FRMD6: variants seen among roughly 807,000 people sequenced by gnomAD.
The protein encoded by FRMD6 is FERM domain containing 6.
A neutral mutation model predicts 73.2 loss-of-function variants in FRMD6; 37 were observed. That is an observed-to-expected ratio of 0.51 (90% CI 0.39 to 0.66). The LOEUF is 0.66. Ranked by LOEUF, FRMD6 falls within the 30% of genes least tolerant of loss-of-function variation. FRMD6 has a pLI of 0.00. For missense variants in FRMD6, 714 were observed against 780.5 expected, an observed-to-expected ratio of 0.91 and a Z score of 1.02; for synonymous variants, 273 against 282.2, an observed-to-expected ratio of 0.97 and a Z score of 0.33.
At chr14:51,575,813 G>A (rs1355905082) in intron 2 of FRMD6, 1 of 152,124 alleles carries the variant, frequency 6.6e-6, no homozygotes, top group Non-Finnish European at 1.5e-5. Context: ...AAGAGCTCAT[G>A]GGCCATGAGC....
intron 1 of FRMD6, among the ~76,000 whole-genome samples, chr14:51,536,093 T>G (rs201012492): frequency 0.36 from 49,588 of 138,554 alleles, 9,460 homozygotes; most frequent in African/African-American, 0.51. Flanking sequence ...TATATATATA[T>G]ATATAGAGAG....
At chr14:51,419,939 G>C in the FRMD6 span, among the ~76,000 whole-genome samples, 1 of 151,804 alleles carries the variant, frequency 6.6e-6, no homozygotes, top group Non-Finnish European at 1.5e-5. Flanking sequence ...TCCTGCCCTC[G>C]TTAGGTGTGG....
chr14:51,678,615 T>A (rs528335805), intron 1 of FRMD6, among the ~76,000 whole-genome samples: 1 of 152,256 alleles, frequency 6.6e-6, no homozygotes, highest in East Asian at 1.9e-4. Context: ...AAATAGTGTA[T>A]TTAACAAGTC....
the FRMD6 span, among the ~76,000 whole-genome samples, chr14:51,410,601 G>T: frequency 1.3e-5 from 2 of 152,146 alleles, no homozygotes; most frequent in African/African-American, 4.8e-5. Context: ...TAAAAAAGCA[G>T]CACATGTTCA....
upstream of FRMD6, among the ~76,000 whole-genome samples, chr14:51,484,675 G>C (rs1375740862): frequency 6.6e-6 from 1 of 152,192 alleles, no homozygotes; most frequent in Non-Finnish European, 1.5e-5. Context: ...AACTAATTTG[G>C]AGGACTGAAT....
At chr14:51,409,838 G>A in the FRMD6 span, among the ~76,000 whole-genome samples, 1 of 152,048 alleles carries the variant, frequency 6.6e-6, no homozygotes, top group African/African-American at 2.4e-5. Flanking sequence ...ATCCATGCAC[G>A]CCAGGCTTCC....
chr14:51,681,198 C>T (rs1894770852), intron 1 of FRMD6, among the ~76,000 whole-genome samples: 1 of 152,168 alleles, frequency 6.6e-6, no homozygotes, highest in Non-Finnish European at 1.5e-5. Context: ...TTGTTCCTAA[C>T]CCCGAGGTTA....
chr14:51,605,983 C>G (rs911514435), intron 2 of FRMD6, among the ~76,000 whole-genome samples: 11 of 152,154 alleles, frequency 7.2e-5, no homozygotes, highest in African/African-American at 2.7e-4. Flanking sequence ...AAATTGGTGT[C>G]TTAATTGAAA....
At chr14:51,415,919 A>G in the FRMD6 span, among the ~76,000 whole-genome samples, 1 of 152,190 alleles carries the variant, frequency 6.6e-6, no homozygotes, top group African/African-American at 2.4e-5. Flanking sequence ...CATTTCTTCT[A>G]GATTTTCCAG....
the FRMD6 span, among the ~76,000 whole-genome samples, chr14:51,420,747 G>A: frequency 6.6e-6 from 1 of 152,078 alleles, no homozygotes; most frequent in African/African-American, 2.4e-5. Flanking sequence ...ATGTGTGTAG[G>A]TTATATGCAA....
At chr14:51,718,321 A>G (rs1029356121) in intron 10 of FRMD6, among the ~76,000 whole-genome samples, 6 of 152,212 alleles carry the variant, frequency 3.9e-5, no homozygotes, top group Non-Finnish European at 5.9e-5. Flanking sequence ...ATACTAGTGA[A>G]TATAGAGGAA....
chr14:51,523,226 A>G (rs1885043847), intron 1 of FRMD6, among the ~76,000 whole-genome samples: 1 of 152,234 alleles, frequency 6.6e-6, no homozygotes, highest in South Asian at 2.1e-4. Context: ...ATGAAAAATA[A>G]TGTTTTTCTT....
chr14:51,493,665 G>A (rs993081890), intron 1 of FRMD6, among the ~76,000 whole-genome samples: 10 of 152,192 alleles, frequency 6.6e-5, no homozygotes, highest in African/African-American at 9.6e-5. Context: ...ACTAATACAC[G>A]AGGAAATGTC....
At position 51,545,189 on chromosome 14, in the gene FRMD6, C is replaced by T. The variant is rs960299929; in HGVS notation, c.-209-25159C>T. On this transcript the variant is annotated intron_variant, in intron 1 of 14. Coordinates refer to the FRMD6 transcript ENST00000356218. ...GTAGAATAGCTTGGTGTCTGTTAAC[C>T]GAAGACATGATACAAGCATCATATT... Among the ~76,000 whole-genome samples, 13 of 152,036 alleles carry T rather than the reference C, an allele frequency of 8.6e-5. No individual in the cohort carries two copies. In the East Asian group the frequency reaches 1.2e-3, roughly 14 times the overall value.
At chr14:51,673,443 G>A (rs867487951) in intron 1 of FRMD6, among the ~76,000 whole-genome samples, 4 of 152,004 alleles carry the variant, frequency 2.6e-5, no homozygotes, top group Admixed American at 6.6e-5. Context: ...TCAATTCAGG[G>A]AATCTTCTCA....
intron 1 of FRMD6, among the ~76,000 whole-genome samples, chr14:51,504,313 G>T (rs143588362): frequency 7.4e-4 from 112 of 152,326 alleles, no homozygotes; most frequent in Non-Finnish European, 1.4e-3. Context: ...TGGAAGCTCT[G>T]TACTGGGGCG....
At chr14:51,692,857 G>A (rs1205297475) in intron 2 of FRMD6, 1 of 152,116 alleles carries the variant, frequency 6.6e-6, no homozygotes, top group Admixed American at 6.6e-5. Context: ...CCGATGTAGT[G>A]AGTCTGAGGC....
At position 51,531,431 on chromosome 14, in the gene FRMD6, A is replaced by G. The variant is rs113311075; in HGVS notation, c.-209-38917A>G. On this transcript the variant is annotated intron_variant, in intron 1 of 14. Coordinates refer to the FRMD6 transcript ENST00000356218. ...AAAAGTATCAAGGTCCTGAAAGACT[A>G]GGACATATTGAGGTATTATTATCAC... 2.4e-3 allele frequency among the ~76,000 whole-genome samples: 362 copies of G among 152,356 alleles called. 1 individual carries two copies. Among genetic ancestry groups the G allele is most frequent in the African/African-American group, 8.3e-3 (344 of 41,594 alleles).
intron 10 of FRMD6, among the ~76,000 whole-genome samples, chr14:51,716,764 G>A (rs996822942): frequency 6.6e-6 from 1 of 152,170 alleles, no homozygotes; most frequent in African/African-American, 2.4e-5. Context: ...TCTTCCCCAC[G>A]ATGACTCATC....
Sources: allele counts gnomAD v4.1 joint callset (sites outside exome capture counted in the v4.1 genomes callset), GRCh38; gene constraint gnomAD v4.1.1; transcripts MANE v1.5; gene names NCBI Gene and HGNC (gene_info 2026-07-23, HGNC 2026-07-21).